The following DLGAP3 variants were observed in gnomAD, a reference collection of about 807,000 sequenced individuals.
DLGAP3 encodes disks large-associated protein 3.
DLGAP3 carries 17 observed loss-of-function variants against 81.2 expected under a neutral mutation model. That is an observed-to-expected ratio of 0.21 (90% CI 0.14 to 0.31). The LOEUF (loss-of-function observed/expected upper bound fraction) is 0.31. Among genes scored for constraint, DLGAP3 ranks in the 10% least tolerant of loss-of-function variants. DLGAP3 has a pLI of 1.00. For missense variants in DLGAP3, 1,124 were observed against 1,388.0 expected (o/e 0.81, Z 3.02); for synonymous variants, 577 against 587.4 (o/e 0.98, Z 0.26).
intron 1 of DLGAP3, among the ~76,000 whole-genome samples, chr1:34,918,516 C>T (rs1032159244): frequency 2.0e-5 from 3 of 152,292 alleles, no homozygotes; most frequent in South Asian, 4.1e-4. Flanking sequence ...GGGTCCAGCA[C>T]GTGGCTAATA....
At chr1:34,915,438 G>A (rs911926262) in intron 1 of DLGAP3, among the ~76,000 whole-genome samples, 5 of 152,156 alleles carry the variant, frequency 3.3e-5, no homozygotes, top group African/African-American at 9.7e-5. Context: ...GGGTCCACTG[G>A]GCAGGAGTTA....
rs948666419 is a variant in DLGAP3 at position 34,902,016 on chromosome 1, C to T, written c.1108-1743G>A. Among the ~76,000 whole-genome samples the T allele has an allele frequency of 1.3e-5, 2 of 152,088 alleles. No homozygotes were observed. Among genetic ancestry groups the T allele is most frequent in the African/African-American group, 4.8e-5 (2 of 41,386 alleles). ...AGGATCGGCCTGGGATGGGTGGTCCCAGCTTTTCCTATGAGCCAAGGAAGG... is the reference window on the plus strand; with the variant it reads ...AGGATCGGCCTGGGATGGGTGGTCCTAGCTTTTCCTATGAGCCAAGGAAGG... On this transcript the variant is annotated intron_variant, in intron 3 of 11. Coordinates refer to ENST00000373347, the MANE Select transcript of DLGAP3 (RefSeq NM_001080418.3). This position sits in a 1 kb window ranked among gnomAD's most constrained non-coding sequence, Gnocchi z 4.4.
intron 8 of DLGAP3, among the ~76,000 whole-genome samples, chr1:34,879,079 A>G (rs2148398094): frequency 6.6e-6 from 1 of 152,098 alleles, no homozygotes; most frequent in Non-Finnish European, 1.5e-5. Context: ...CAAAAAAAAA[A>G]AAGAAAAAAA....
chr1:34,927,708 C>T (rs897345680), intron 1 of DLGAP3, among the ~76,000 whole-genome samples: 5 of 151,970 alleles, frequency 3.3e-5, no homozygotes, highest in Non-Finnish European at 5.9e-5. Flanking sequence ...CCCCACCCCC[C>T]ACTCTTTTAG....
chr1:34,923,088 G>A (rs967416041), intron 1 of DLGAP3, among the ~76,000 whole-genome samples: 1 of 151,786 alleles, frequency 6.6e-6, no homozygotes, highest in African/African-American at 2.4e-5. Context: ...CAATCCCCCC[G>A]TATATGCAAC....
chr1:34,884,853 A>G, intron 8 of DLGAP3, 125 bp downstream of exon 8: 2 of 780,078 alleles, frequency 2.6e-6, no homozygotes, highest in Non-Finnish European at 4.4e-6. Context: ...CACCCTCTAT[A>G]AAAAGGCTTG....
intron 8 of DLGAP3, 100 bp downstream of exon 8, chr1:34,884,878 A>G: frequency 1.0e-6 from 1 of 952,594 alleles, no homozygotes. Context: ...CACTTCCAGG[A>G]AAAGAGGATG....
chr1:34,927,163 C>G (rs1336771576), intron 1 of DLGAP3, among the ~76,000 whole-genome samples: 1 of 152,204 alleles, frequency 6.6e-6, no homozygotes. Context: ...AGCGCCCTCT[C>G]TTTGGCAAGG....
In DLGAP3 at chr1:34,911,940, C is replaced by T. The variant is rs545216870; in HGVS notation, c.-134-4503G>A. On this transcript the variant is annotated intron_variant, in intron 1 of 11. Coordinates refer to ENST00000373347, the MANE Select transcript of DLGAP3 (RefSeq NM_001080418.3). Reference sequence around the variant, plus strand: ...CCTTTCTTGAGACCTAGGCAAGTCACAAACTCTCTTGATTAAAGCAGTTGT... The same window carrying T: ...CCTTTCTTGAGACCTAGGCAAGTCATAAACTCTCTTGATTAAAGCAGTTGT... Among the ~76,000 whole-genome samples, 93 of 152,312 alleles carry T rather than the reference C, an allele frequency of 6.1e-4. 1 individual carries two copies. The Middle Eastern group carries it at 0.01, about 17-fold the overall frequency.
Position 34,904,316 on chromosome 1 carries a change from C to T in DLGAP3, c.1068G>A (p.Pro356=), listed in dbSNP as rs760862500. 19 of 1,609,004 alleles carry T rather than the reference C, an allele frequency of 1.2e-5. No homozygotes were observed. Among genetic ancestry groups the T allele is most frequent in the African/African-American group, 9.3e-5 (7 of 74,946 alleles). The change falls in exon 3 of 12, where the codon CCG becomes CCA. Residue 356 remains proline, a synonymous_variant. Transcript: ENST00000373347. The surrounding 1 kb of genome is among the most constrained non-coding windows in gnomAD (Gnocchi z 8.1). ...GAGPGKGLLG[P]ETKAKARTYH... is the part of the protein sequence containing the mutation. ...AAGTCCTGGCTTTGGCCTTGGTCTCCGGACCCAGGAGCCCCTTGCCTGGCC... is the reference window on the plus strand; with the variant it reads ...AAGTCCTGGCTTTGGCCTTGGTCTCTGGACCCAGGAGCCCCTTGCCTGGCC...
intron 5 of DLGAP3, among the ~76,000 whole-genome samples, chr1:34,888,303 G>A (rs7525948): frequency 0.052 from 7,990 of 152,196 alleles, 371 homozygotes; most frequent in East Asian, 0.2. Context: ...ATCTACTAAT[G>A]GGCAAACAAG....
intron 8 of DLGAP3, among the ~76,000 whole-genome samples, chr1:34,880,177 C>T (rs1251353068): frequency 1.3e-5 from 2 of 152,034 alleles, no homozygotes; most frequent in African/African-American, 4.8e-5. Flanking sequence ...CCTCAGCTTC[C>T]CCAGGAGCTG....
At chr1:34,866,387 G>A in intron 11 of DLGAP3, 86 bp from the exon 12 acceptor site, 1 of 1,156,240 alleles carries the variant, frequency 8.6e-7, no homozygotes, top group South Asian at 1.6e-5. Context: ...CGCCCAGAGT[G>A]CTGACGACCG....
chr1:34,877,418 G>A (rs1465373350), intron 8 of DLGAP3, among the ~76,000 whole-genome samples: 7 of 152,188 alleles, frequency 4.6e-5, no homozygotes, highest in Non-Finnish European at 7.3e-5. Context: ...GAAACCTCAA[G>A]CCTCAAAGGG....
intron 5 of DLGAP3, among the ~76,000 whole-genome samples, chr1:34,889,844 G>A (rs1304819169): frequency 6.6e-6 from 1 of 152,194 alleles, no homozygotes; most frequent in Non-Finnish European, 1.5e-5. Flanking sequence ...AACTGTGTGA[G>A]CCAATGCTGC....
intron 1 of DLGAP3, among the ~76,000 whole-genome samples, chr1:34,928,819 C>T (rs72894157): frequency 0.065 from 9,805 of 152,004 alleles, 595 homozygotes; most frequent in African/African-American, 0.16. Context: ...CATTCACACA[C>T]TCACAGACAC....
intron 5 of DLGAP3, among the ~76,000 whole-genome samples, chr1:34,886,526 C>T (rs1355742290): frequency 6.6e-6 from 1 of 151,436 alleles, no homozygotes; most frequent in Non-Finnish European, 1.5e-5. Flanking sequence ...CACCCCCACC[C>T]CCACCTCCAC....
At chr1:34,908,667 T>A (rs1052988537) in intron 1 of DLGAP3, among the ~76,000 whole-genome samples, 2 of 152,142 alleles carry the variant, frequency 1.3e-5, no homozygotes, top group African/African-American at 4.8e-5. Flanking sequence ...CAGTCAGACA[T>A]CAGGAAGAAC....
intron 2 of DLGAP3, among the ~76,000 whole-genome samples, chr1:34,906,032 ATTTGTT>A (rs1557492410): frequency 7.1e-5 from 9 of 126,458 alleles, no homozygotes; most frequent in African/African-American, 1.1e-4. Flanking sequence ...ATATATATAT[ATTTGTT>A]TGTTTTTATA....
Sources: gnomAD v4.1 joint callset for allele counts (sites outside exome capture counted in the v4.1 genomes callset) on GRCh38, gnomAD v4.1.1 for gene constraint, Gnocchi (gnomAD v3.1) non-coding constraint, MANE v1.5 for transcripts, NCBI Gene and HGNC (gene_info 2026-07-23, HGNC 2026-07-21) for gene names.